The following BIRC6 variants were observed in gnomAD, a reference collection of about 807,000 sequenced individuals.
BIRC6 encodes the protein baculoviral IAP repeat containing 6.
Under a neutral mutation model 503.3 loss-of-function variants are expected in BIRC6, and 98 were observed. The observed-to-expected ratio is 0.19, with a 90% confidence interval of 0.17 to 0.23. The LOEUF is 0.23. Ranked by LOEUF, BIRC6 falls within the 10% of genes least tolerant of loss-of-function variation. The pLI, the probability that BIRC6 is intolerant of heterozygous loss-of-function variation, is 1.00. For missense variants in BIRC6, 5,360 were observed against 5,806.0 expected (o/e 0.92, Z 2.50); for synonymous variants, 2,240 against 2,078.7 (o/e 1.08, Z -2.11).
At chr2:32,399,083 A>AT (rs1292021557) in intron 6 of BIRC6, among the ~76,000 whole-genome samples, 1 of 151,932 alleles carries the variant, frequency 6.6e-6, no homozygotes, top group Non-Finnish European at 1.5e-5. Flanking sequence ...AATTTTATTT[A>AT]TTTATTTATT....
intron 65 of BIRC6, among the ~76,000 whole-genome samples, chr2:32,559,148 A>G (rs1381023793): frequency 6.6e-6 from 1 of 152,236 alleles, no homozygotes; most frequent in Non-Finnish European, 1.5e-5. Context: ...GTTTATTGGC[A>G]TAAGTTTTGT....
chr2:32,425,664 C>G (rs1443556710), intron 10 of BIRC6, among the ~76,000 whole-genome samples: 2 of 152,054 alleles, frequency 1.3e-5, no homozygotes, highest in Non-Finnish European at 2.9e-5. Context: ...TCTTATCCTT[C>G]CAAAAAAGAG....
At chr2:32,450,324 A>T (rs576637925) in intron 22 of BIRC6, among the ~76,000 whole-genome samples, 8 of 152,266 alleles carry the variant, frequency 5.3e-5, no homozygotes, top group Admixed American at 5.2e-4. Context: ...TAAAAATGCC[A>T]AAAAATTAGC....
Position 32,477,564 on chromosome 2 carries a change from T to TCTTATTGTTTGTTTGTAAGTCTACA in BIRC6, c.7068_7068+1insTCTACACTTATTGTTTGTTTGTAAG (p.Val2357SerfsTer8). On this transcript the variant is annotated frameshift_variant, in exon 35 of 74. Coordinates refer to ENST00000421745, the MANE Select transcript of BIRC6 (RefSeq NM_016252.4). LOFTEE classifies it high-confidence loss of function. ...ATGGACTTTACATGTCATGCAGATC[T>TCTTATTGTTTGTTTGTAAGTCTACA]CTTATTGTTTGTTTGTAAGGTATGT... 6.2e-7 allele frequency: 1 copy of TCTTATTGTTTGTTTGTAAGTCTACA among 1,613,590 alleles called. No homozygotes were observed. Among genetic ancestry groups the TCTTATTGTTTGTTTGTAAGTCTACA allele is most frequent in the Non-Finnish European group, 8.5e-7 (1 of 1,179,646 alleles).
At chr2:32,396,716 A>T (rs1318458415) in intron 6 of BIRC6, among the ~76,000 whole-genome samples, 1 of 152,132 alleles carries the variant, frequency 6.6e-6, no homozygotes, top group Non-Finnish European at 1.5e-5. Flanking sequence ...ACAATAACTA[A>T]TAAAATTGAA....
At chr2:32,600,731 A>G (rs1400773170) in intron 70 of BIRC6, among the ~76,000 whole-genome samples, 8 of 152,222 alleles carry the variant, frequency 5.3e-5, no homozygotes. Flanking sequence ...TCTTAAATTA[A>G]TGGTCTTTTA....
intron 72 of BIRC6, among the ~76,000 whole-genome samples, chr2:32,608,562 GTGGCACCACGCC>G (rs143767915): frequency 0.017 from 2,531 of 151,712 alleles, 53 homozygotes; most frequent in African/African-American, 0.059. Context: ...TTACGGGCAT[GTGGCACCACGCC>G]TGGCTAATTT....
chr2:32,603,903 ATGTT>A (rs2062244016), intron 71 of BIRC6, among the ~76,000 whole-genome samples: 1 of 151,484 alleles, frequency 6.6e-6, no homozygotes, highest in Non-Finnish European at 1.5e-5. Context: ...TATATACTGT[ATGTT>A]TTTATGTTAA....
At chr2:32,531,133 C>G (rs1182122736) in intron 60 of BIRC6, among the ~76,000 whole-genome samples, 1 of 152,094 alleles carries the variant, frequency 6.6e-6, no homozygotes, top group African/African-American at 2.4e-5. Context: ...ACTACTAGTC[C>G]ATGAACCATT....
intron 62 of BIRC6, 64 bp downstream of exon 62, chr2:32,543,605 C>G (rs1205946043): frequency 6.9e-7 from 1 of 1,457,476 alleles, no homozygotes; most frequent in East Asian, 2.3e-5. Flanking sequence ...GTATCCAGAT[C>G]ATTGCCTATT....
In BIRC6 at chr2:32,399,148, C is replaced by T. The variant is rs138338514; in HGVS notation, c.1035-2015C>T. Among the ~76,000 whole-genome samples the T allele has an allele frequency of 8.6e-3, 1,315 of 152,104 alleles. 13 individuals are homozygous for T. Among genetic ancestry groups the T allele is most frequent in the Non-Finnish European group, 0.016 (1,091 of 67,984 alleles). On this transcript the variant is annotated intron_variant, in intron 6 of 73. Transcript: ENST00000421745. ...TTGCCCAGGCTGGAGTGCAGTGGCG[C>T]GATCTTGGTTCACTGCAACCCTTGC...
intron 63 of BIRC6, among the ~76,000 whole-genome samples, chr2:32,546,463 C>G (rs901873648): frequency 6.6e-6 from 1 of 151,926 alleles, no homozygotes; most frequent in South Asian, 2.1e-4. Flanking sequence ...GCCTGTAATC[C>G]CAGCTACTCG....
At chr2:32,495,703 GTC>G (rs975236268) in intron 45 of BIRC6, among the ~76,000 whole-genome samples, 40 of 150,192 alleles carry the variant, frequency 2.7e-4, no homozygotes, top group African/African-American at 9.8e-4. Context: ...CTCACACAAA[GTC>G]ACACAGAATA....
intron 65 of BIRC6, among the ~76,000 whole-genome samples, chr2:32,567,842 C>G (rs1435299894): frequency 1.7e-4 from 26 of 152,186 alleles, no homozygotes; most frequent in Admixed American, 1.7e-3. Flanking sequence ...TGGCTCACGC[C>G]TGTAATCCCA....
intron 70 of BIRC6, 98 bp downstream of exon 70, chr2:32,599,998 G>C: frequency 8.7e-7 from 1 of 1,150,914 alleles, no homozygotes; most frequent in Non-Finnish European, 1.2e-6. Context: ...TCTGCTAAGA[G>C]GGCATGGGTT....
chr2:32,381,036 A>G (rs561124233), intron 3 of BIRC6, among the ~76,000 whole-genome samples: 22 of 152,106 alleles, frequency 1.4e-4, no homozygotes, highest in Non-Finnish European at 2.5e-4. Flanking sequence ...GTATATTTTT[A>G]TTAATTTCCT....
intron 24 of BIRC6, 64 bp downstream of exon 24, chr2:32,463,445 T>G: frequency 7.0e-7 from 1 of 1,425,784 alleles, no homozygotes; most frequent in Non-Finnish European, 9.3e-7. Flanking sequence ...AAAAGTACTT[T>G]AAAAATGACC....
At chr2:32,505,227 A>G in intron 50 of BIRC6, 22 bp downstream of exon 50, 2 of 1,508,286 alleles carry the variant, frequency 1.3e-6, no homozygotes, top group South Asian at 1.2e-5. Flanking sequence ...TTTATAAAGA[A>G]GCATCATGAG....
chr2:32,360,494 T>C (rs1272560585), intron 1 of BIRC6, among the ~76,000 whole-genome samples: 2 of 152,326 alleles, frequency 1.3e-5, no homozygotes, highest in East Asian at 3.9e-4. Context: ...TAGTCTTGTC[T>C]CCTTATTTAT....
Sources: allele counts gnomAD v4.1 joint callset (sites outside exome capture counted in the v4.1 genomes callset), GRCh38; gene constraint gnomAD v4.1.1; transcripts MANE v1.5; gene names NCBI Gene and HGNC (gene_info 2026-07-23, HGNC 2026-07-21).